The following ZGRF1 variants were observed in gnomAD, a reference collection of about 807,000 sequenced individuals.
ZGRF1 encodes 5'-3' DNA helicase ZGRF1.
Under a neutral mutation model 203.5 loss-of-function variants are expected in ZGRF1, and 196 were observed. That is an observed-to-expected ratio of 0.96 (90% CI 0.86 to 1.08). The LOEUF (loss-of-function observed/expected upper bound fraction) is 1.08, where lower values mean the gene tolerates loss of function less well. Ranked by LOEUF, ZGRF1 falls within the 50% of genes least tolerant of loss-of-function variation. The probability of loss-of-function intolerance (pLI) is 0.00; values close to 1 mark genes in which losing one functional copy is unlikely to be tolerated. For synonymous variants in ZGRF1, 809 were observed against 841.3 expected, an observed-to-expected ratio of 0.96 and a Z score of 0.66; for missense variants, 2,326 against 2,416.3, an observed-to-expected ratio of 0.96 and a Z score of 0.78.
chr4:112,608,099 A>G (rs907280678), intron 8 of ZGRF1, among the ~76,000 whole-genome samples: 7 of 152,300 alleles, frequency 4.6e-5, no homozygotes, highest in Admixed American at 3.3e-4. Context: ...TAAGAGGGGG[A>G]TCATACTATG....
chr4:112,600,319 T>C (rs1749743004), intron 10 of ZGRF1, among the ~76,000 whole-genome samples: 1 of 152,058 alleles, frequency 6.6e-6, no homozygotes, highest in Non-Finnish European at 1.5e-5. Flanking sequence ...CAGGTGTGAG[T>C]GACCTTGTCA....
At chr4:112,603,440 TA>T (rs1287296752) in intron 10 of ZGRF1, 83 bp downstream of exon 10, 3 of 919,708 alleles carry the variant, frequency 3.3e-6, no homozygotes, top group Non-Finnish European at 4.9e-6. Context: ...TATAACTGTA[TA>T]AACAACTATA....
intron 16 of ZGRF1, among the ~76,000 whole-genome samples, chr4:112,564,130 A>T (rs1338622863): frequency 1.3e-5 from 2 of 152,220 alleles, no homozygotes. Flanking sequence ...GGCATCAGCA[A>T]TTGGAATAGT....
Position 112,541,140 on chromosome 4 carries a change from C to A in ZGRF1, c.5727G>T (p.Leu1909Phe), listed in dbSNP as rs776234297. The A allele has an allele frequency of 5.6e-6, 9 of 1,608,242 alleles. No homozygotes were observed. The African/African-American group carries it at 8.0e-5, about 14-fold the overall frequency. Residue 1909 changes from leucine to phenylalanine, a missense_variant, in exon 25 of 28, where the codon TTG becomes TTT. Transcript: ENST00000505019. ...AAAAACACAGGGTTGGTAGCCATTC[C>A]AATAAAGGGCTCCGCTCTATTTCTG... is the stretch of plus-strand genomic sequence containing the variant. ...GVTEIERSPLLEWLPTLCFYN... is the reference protein window; with the variant it reads ...GVTEIERSPLFEWLPTLCFYN...
At chr4:112,634,408 G>C (rs2047510747) in intron 1 of ZGRF1, among the ~76,000 whole-genome samples, 1 of 152,188 alleles carries the variant, frequency 6.6e-6, no homozygotes, top group South Asian at 2.1e-4. Context: ...CCAGCACTTT[G>C]GGAGGCCGAG....
chr4:112,581,029 A>C (rs1746143500), intron 16 of ZGRF1, among the ~76,000 whole-genome samples: 1 of 152,162 alleles, frequency 6.6e-6, no homozygotes, highest in Non-Finnish European at 1.5e-5. Context: ...GAACCAACCC[A>C]AATGTCCATC....
intron 24 of ZGRF1, among the ~76,000 whole-genome samples, chr4:112,541,929 C>T (rs1737705992): frequency 6.6e-6 from 1 of 152,226 alleles, no homozygotes; most frequent in African/African-American, 2.4e-5. Context: ...TAACTTTCCT[C>T]ACTGAGTAAA....
chr4:112,540,460 T>C (rs184269035), intron 26 of ZGRF1, among the ~76,000 whole-genome samples: 63 of 152,316 alleles, frequency 4.1e-4, no homozygotes, highest in Non-Finnish European at 7.8e-4. Context: ...TAATATTTGG[T>C]ATCTATCCTT....
intron 3 of ZGRF1, chr4:112,629,648 T>A (rs1232528102): frequency 6.6e-6 from 1 of 151,338 alleles, no homozygotes; most frequent in Middle Eastern, 3.2e-3. Flanking sequence ...CCAGCCTGAG[T>A]GACAGAGTTA....
At chr4:112,628,912 GAATT>G (rs1178548986) in intron 3 of ZGRF1, 10 of 388,668 alleles carry the variant, frequency 2.6e-5, no homozygotes, top group South Asian at 1.2e-4. Flanking sequence ...GACACTGAAT[GAATT>G]AGTTTATGTA....
At chr4:112,612,451 A>G in intron 7 of ZGRF1, 73 bp downstream of exon 7, 1 of 1,012,846 alleles carries the variant, frequency 9.9e-7, no homozygotes. Context: ...CTGTATTACT[A>G]TAATTCTATT....
chr4:112,626,762 G>A (rs902719175), intron 3 of ZGRF1, among the ~76,000 whole-genome samples: 8 of 151,828 alleles, frequency 5.3e-5, no homozygotes, highest in African/African-American at 9.7e-5. Context: ...AGCTAATTAC[G>A]TGAGTGCTTC....
intron 16 of ZGRF1, among the ~76,000 whole-genome samples, chr4:112,578,996 G>A (rs1296838398): frequency 8.1e-6 from 1 of 122,784 alleles, no homozygotes; most frequent in East Asian, 2.4e-4. Context: ...CAATATCCCT[G>A]ATGAACATCG....
At chr4:112,558,386 CAGAG>C in intron 19 of ZGRF1, 77 bp from the exon 20 acceptor site, 1 of 1,234,690 alleles carries the variant, frequency 8.1e-7, no homozygotes, top group South Asian at 2.0e-5. Flanking sequence ...TTTCTTGAGA[CAGAG>C]TCTCACTCAC....
intron 22 of ZGRF1, among the ~76,000 whole-genome samples, chr4:112,548,880 C>T (rs1739363846): frequency 7.9e-5 from 2 of 25,242 alleles, no homozygotes; most frequent in Admixed American, 6.5e-4. Context: ...TTTGGGAGGC[C>T]GAGGCGGGCG....
At chr4:112,574,783 T>C (rs926234003) in intron 16 of ZGRF1, among the ~76,000 whole-genome samples, 3 of 152,106 alleles carry the variant, frequency 2.0e-5, no homozygotes, top group Non-Finnish European at 4.4e-5. Context: ...TGTAATCCCA[T>C]GGGAGGCCAA....
intron 24 of ZGRF1, among the ~76,000 whole-genome samples, chr4:112,542,637 G>A (rs1007011158): frequency 1.3e-5 from 2 of 151,658 alleles, no homozygotes; most frequent in African/African-American, 2.4e-5. Context: ...ACAGGGTCTC[G>A]CTGTTGCTTA....
chr4:112,548,352 G>A lies in ZGRF1; in HGVS notation c.5375C>T (p.Ala1792Val). ...ATCATTCATGCATGGGAATGGGCAG[G>A]CTGCACAGGTAACTCCAACTACTCG... ...QVRVVGVTCA[A>V]CPFPCMNDLK... is the part of the protein sequence containing the mutation. The change falls in exon 23 of 28, where the codon GCC becomes GTC. Residue 1792 changes from alanine (A) to valine (V), a missense_variant. Ala to Val is a moderately conservative substitution (Grantham distance 64, BLOSUM62 0). Coordinates refer to ENST00000505019, the MANE Select transcript of ZGRF1 (RefSeq NM_018392.5). The A allele has an allele frequency of 6.4e-7, 1 of 1,555,120 alleles. No homozygotes were observed. Among genetic ancestry groups the A allele is most frequent in the Non-Finnish European group, 8.7e-7 (1 of 1,148,584 alleles).
intron 10 of ZGRF1, among the ~76,000 whole-genome samples, chr4:112,591,052 C>G (rs1748094729): frequency 6.6e-6 from 1 of 151,822 alleles, no homozygotes; most frequent in African/African-American, 2.4e-5. Context: ...TGAAAAAATA[C>G]TCATGATCCC....
Sources: allele counts gnomAD v4.1 joint callset (sites outside exome capture counted in the v4.1 genomes callset), GRCh38; gene constraint gnomAD v4.1.1; transcripts MANE v1.5; gene names NCBI Gene and HGNC (gene_info 2026-07-23, HGNC 2026-07-21).